RUVBL1: variants seen among roughly 807,000 people sequenced by gnomAD.
The protein encoded by RUVBL1 is RuvB like AAA ATPase 1.
Under a neutral mutation model 52.4 loss-of-function variants are expected in RUVBL1, and 4 were observed. The observed-to-expected ratio is 0.08, with a 90% CI of 0.04 to 0.17. The LOEUF (loss-of-function observed/expected upper bound fraction) is 0.17. Ranked by LOEUF, RUVBL1 falls within the 10% of genes least tolerant of loss-of-function variation. RUVBL1 has a pLI of 1.00. For synonymous variants in RUVBL1, 217 were observed against 214.4 expected (o/e 1.01, Z -0.10); for missense variants, 298 against 572.8 (o/e 0.52, Z 4.90).
intron 1 of RUVBL1, among the ~76,000 whole-genome samples, chr3:128,137,428 A>G (rs1248191798): frequency 1.3e-5 from 2 of 152,200 alleles, no homozygotes; most frequent in Admixed American, 6.5e-5. Context: ...ATGTCAATAA[A>G]TTGGAAAACC....
chr3:128,125,961 G>T (rs1165186316), upstream of RUVBL1, among the ~76,000 whole-genome samples: 1 of 152,116 alleles, frequency 6.6e-6, no homozygotes, highest in Non-Finnish European at 1.5e-5. Flanking sequence ...TATTATTTCA[G>T]CCCTAGTCTT....
Position 128,104,764 on chromosome 3 carries a change from T to C in RUVBL1, c.513+9A>G, listed in dbSNP as rs748447920. The C allele has an allele frequency of 1.4e-5, 22 of 1,600,060 alleles. No homozygotes were observed. Among genetic ancestry groups the C allele is most frequent in the Non-Finnish European group, 1.7e-5 (20 of 1,168,518 alleles). ...GTCAAGGGAAAAGAGGCCACATACA[T>C]GTACTCACTTTCAACTGTTTGGTTC... On this transcript the variant is annotated intron_variant, in intron 4 of 10. Transcript: ENST00000322623.
chr3:128,082,161 A>C lies in RUVBL1; in HGVS notation c.1211+322T>G. 2 of 234,884 alleles carry C rather than the reference A, an allele frequency of 8.5e-6. No individual in the cohort carries two copies. The highest frequency in any genetic ancestry group is 5.2e-5 in the Admixed American group (1 of 19,410). 14.5% of individuals were successfully genotyped at this position (234,884 alleles called of 1,614,324 possible). On this transcript the variant is annotated intron_variant, in intron 10 of 10. Transcript: ENST00000322623. The surrounding 1 kb of genome is among the most constrained non-coding windows in gnomAD (Gnocchi z 4.7). Reference sequence around the variant, plus strand: ...GAGAACAGGAGCCAGGGCCCTGGCTAATGAGCTACCACATGGTCCCTGCTC... The same window carrying C: ...GAGAACAGGAGCCAGGGCCCTGGCTCATGAGCTACCACATGGTCCCTGCTC...
At chr3:128,123,002 G>C (rs1943688142) in intron 1 of RUVBL1, among the ~76,000 whole-genome samples, 1 of 152,144 alleles carries the variant, frequency 6.6e-6, no homozygotes, top group Non-Finnish European at 1.5e-5. Flanking sequence ...AAACCAGATT[G>C]CTCTTCTCCA....
rs1447370699 is a variant in RUVBL1 at position 128,067,905 on chromosome 3, A to G, written c.940-2685T>C. The G allele has an allele frequency of 2.6e-6, 3 of 1,132,744 alleles. No homozygotes were observed. The highest frequency in any genetic ancestry group is 4.0e-6 in the Non-Finnish European group (3 of 745,362). The allele number at this position is 1,132,744 out of a possible 1,614,324, so 70.2% of individuals were successfully genotyped here. A position where few individuals can be genotyped will look rare whatever the true frequency, so the allele number is the denominator to read the frequency against. ...GTCAGTGCTCGAAGAGGCGATCTGT[A>G]ACTGTTCAGTACCACTTGGAATGCC... is the stretch of plus-strand genomic sequence containing the variant. On this transcript the variant is annotated intron_variant, in intron 9 of 9. Transcript: ENST00000464873. The surrounding 1 kb of genome is among the most constrained non-coding windows in gnomAD (Gnocchi z 4.1).
intron 1 of RUVBL1, among the ~76,000 whole-genome samples, chr3:128,151,151 C>T (rs1255805389): frequency 2.4e-5 from 3 of 122,836 alleles, no homozygotes; most frequent in Admixed American, 1.0e-4. Flanking sequence ...TCTATATATT[C>T]TATATATATT....
At chr3:128,072,743 C>T (rs1942201628) in intron 9 of RUVBL1, among the ~76,000 whole-genome samples, 1 of 152,178 alleles carries the variant, frequency 6.6e-6, no homozygotes, top group Non-Finnish European at 1.5e-5. Flanking sequence ...CCCAGGGAAG[C>T]AGTAGGCCAT....
chr3:128,082,765 C>T lies in RUVBL1; in HGVS notation c.1120-191G>A. 1 of 541,142 alleles carries T rather than the reference C, an allele frequency of 1.8e-6. No individual in the cohort carries two copies. The highest frequency in any genetic ancestry group is 3.2e-5 in the East Asian group (1 of 31,336). The allele number at this position is 541,142 out of a possible 1,614,324, so 33.5% of individuals were successfully genotyped here. A position where few individuals can be genotyped will look rare whatever the true frequency, so the allele number is the denominator to read the frequency against. The stretch of plus-strand genomic sequence containing the variant: ...GGCACCCTCCAGGAGGCATGTGCGG[C>T]CCTGCAGTATGCATGAATAGCATCA... On this transcript the variant is annotated intron_variant, in intron 9 of 10. Transcript: ENST00000322623. The surrounding 1 kb of genome is among the most constrained non-coding windows in gnomAD (Gnocchi z 4.7).
Position 128,149,019 on chromosome 3 carries a change from A to C in RUVBL1, c.-40+4184T>G, listed in dbSNP as rs551160864. 2.1e-4 allele frequency among the ~76,000 whole-genome samples: 32 copies of C among 152,150 alleles called. 1 individual carries two copies. The highest frequency in any genetic ancestry group is 7.5e-4 in the African/African-American group (31 of 41,516). ...AAGACCCATTACCCAACAATGATCAACTCAGGGCCAGTCTAGACTGCCACA... is the reference window on the plus strand; with the variant it reads ...AAGACCCATTACCCAACAATGATCACCTCAGGGCCAGTCTAGACTGCCACA... On this transcript the variant is annotated intron_variant, in intron 1 of 9. Transcript: ENST00000464873.
chr3:128,099,150 A>G (rs1328859712), intron 6 of RUVBL1, among the ~76,000 whole-genome samples: 1 of 152,186 alleles, frequency 6.6e-6, no homozygotes, highest in Non-Finnish European at 1.5e-5. Flanking sequence ...CATGGCAAGT[A>G]TAAGCTCCGT....
At position 128,067,165 on chromosome 3, in the gene RUVBL1, T is replaced by C; in HGVS notation, c.940-1945A>G. On this transcript the variant is annotated intron_variant, in intron 9 of 9. Transcript: ENST00000464873. The surrounding 1 kb of genome is among the most constrained non-coding windows in gnomAD (Gnocchi z 4.1). ...GGCACCTGGTCGGTAAGTAGGCTCT[T>C]TGAAGATGAGCTAGCAATGCAGCTA... The C allele has an allele frequency of 5.0e-6, 8 of 1,612,954 alleles. No homozygotes were observed. Among genetic ancestry groups the C allele is most frequent in the Non-Finnish European group, 5.9e-6 (7 of 1,178,884 alleles).
chr3:128,068,525 G>A (rs968082075), intron 9 of RUVBL1: 2 of 163,640 alleles, frequency 1.2e-5, no homozygotes, highest in African/African-American at 4.8e-5. Context: ...GCACGGAAGG[G>A]GTTGATGTGC....
intron 1 of RUVBL1, among the ~76,000 whole-genome samples, chr3:128,136,272 A>G (rs1328485563): frequency 6.6e-6 from 1 of 152,110 alleles, no homozygotes; most frequent in East Asian, 1.9e-4. Flanking sequence ...ACTTATCAGT[A>G]ATAATAGTGA....
At chr3:128,140,396 A>T (rs1444396136) in intron 1 of RUVBL1, among the ~76,000 whole-genome samples, 2 of 151,384 alleles carry the variant, frequency 1.3e-5, no homozygotes, top group East Asian at 3.9e-4. Flanking sequence ...ACCTGCTCCC[A>T]CGTTTTCAGC....
At chr3:128,153,782 A>G (rs1281638640) in exon 1 of RUVBL1, 1 of 1,529,990 alleles carries the variant, frequency 6.5e-7, no homozygotes, top group Non-Finnish European at 8.7e-7. Flanking sequence ...ACGCTGGTCG[A>G]CTGCCCCGGG....
chr3:128,072,195 TTC>T (rs1942185292), intron 9 of RUVBL1, among the ~76,000 whole-genome samples: 2 of 152,152 alleles, frequency 1.3e-5, no homozygotes, highest in South Asian at 2.1e-4. Flanking sequence ...CTAGAAGTCT[TTC>T]TGTTTCTACA....
intron 1 of RUVBL1, among the ~76,000 whole-genome samples, chr3:128,150,072 A>G (rs1026627114): frequency 2.6e-5 from 4 of 152,132 alleles, no homozygotes; most frequent in African/African-American, 7.2e-5. Flanking sequence ...GGTTCTGTGC[A>G]GCCTGGCCCT....
chr3:128,121,452 T>C (rs998613955), intron 1 of RUVBL1, among the ~76,000 whole-genome samples: 4 of 150,852 alleles, frequency 2.7e-5, no homozygotes, highest in Admixed American at 6.6e-5. Flanking sequence ...GGCTCATGCC[T>C]GTAATCCCAG....
chr3:128,134,904 G>A (rs1267347844), intron 1 of RUVBL1, among the ~76,000 whole-genome samples: 1 of 152,016 alleles, frequency 6.6e-6, no homozygotes, highest in Non-Finnish European at 1.5e-5. Context: ...CCTCAAAAGG[G>A]TAAATCTAAG....
Sources: gnomAD v4.1 joint callset for allele counts (sites outside exome capture counted in the v4.1 genomes callset) on GRCh38, gnomAD v4.1.1 for gene constraint, Gnocchi (gnomAD v3.1) non-coding constraint, MANE v1.5 for transcripts, NCBI Gene and HGNC (gene_info 2026-07-23, HGNC 2026-07-21) for gene names.